The following DLG2 variants were observed in gnomAD, a reference collection of about 807,000 sequenced individuals.
DLG2 encodes the protein disks large homolog 2.
DLG2 carries 45 observed loss-of-function variants against 132.5 expected under a neutral mutation model. The observed-to-expected ratio is 0.34, with a 90% CI of 0.27 to 0.44. The LOEUF (loss-of-function observed/expected upper bound fraction) is 0.44. Ranked by LOEUF, DLG2 falls within the 20% of genes least tolerant of loss-of-function variation. The pLI is 1.00. For missense variants in DLG2, 1,045 were observed against 1,196.9 expected, an observed-to-expected ratio of 0.87 and a Z score of 1.87; for synonymous variants, 424 against 419.6, an observed-to-expected ratio of 1.01 and a Z score of -0.13.
At chr11:85,412,760 C>CACACATATATATATATAT (rs756868795) in intron 3 of DLG2, among the ~76,000 whole-genome samples, 1 of 113,244 alleles carries the variant, frequency 8.8e-6, no homozygotes, top group Admixed American at 9.2e-5. Context: ...CACACACACA[C>CACACATATATATATATAT]ATATATATAT....
intron 4 of DLG2, among the ~76,000 whole-genome samples, chr11:85,219,654 G>A (rs970113293): frequency 4.7e-5 from 7 of 150,174 alleles, no homozygotes; most frequent in Non-Finnish European, 7.4e-5. Flanking sequence ...TTCTCCCTGT[G>A]TATCTATATC....
At chr11:84,057,566 T>C (rs1407467993) in intron 11 of DLG2, among the ~76,000 whole-genome samples, 1 of 152,190 alleles carries the variant, frequency 6.6e-6, no homozygotes, top group Non-Finnish European at 1.5e-5. Flanking sequence ...TTTAGTTCTA[T>C]GATTTTAACA....
chr11:83,882,192 T>G (rs749657403), intron 15 of DLG2, among the ~76,000 whole-genome samples: 4 of 152,156 alleles, frequency 2.6e-5, no homozygotes, highest in Non-Finnish European at 5.9e-5. Context: ...AAGAACAATT[T>G]AGACATTGGA....
At chr11:84,136,097 A>G (rs553460398) in intron 9 of DLG2, among the ~76,000 whole-genome samples, 1 of 152,246 alleles carries the variant, frequency 6.6e-6, no homozygotes, top group South Asian at 2.1e-4. Context: ...AGGAGAAAGA[A>G]TGTTCTAGAT....
At chr11:85,515,246 T>C (rs1017262108) in intron 3 of DLG2, among the ~76,000 whole-genome samples, 6 of 151,958 alleles carry the variant, frequency 3.9e-5, no homozygotes, top group Non-Finnish European at 1.5e-5. Context: ...CAAAACTATA[T>C]CTTGTTTATA....
intron 3 of DLG2, among the ~76,000 whole-genome samples, chr11:85,451,098 A>G (rs186885620): frequency 8.7e-4 from 133 of 152,312 alleles, no homozygotes; most frequent in African/African-American, 3.1e-3. Context: ...CTGCCTGTAC[A>G]TCGCATAGGG....
At chr11:85,268,613 A>AC (rs2077354411) in intron 4 of DLG2, among the ~76,000 whole-genome samples, 1 of 152,212 alleles carries the variant, frequency 6.6e-6, no homozygotes, top group Admixed American at 6.5e-5. Flanking sequence ...CACATGGGTA[A>AC]AGCTCTAGGA....
chr11:85,428,799 G>A (rs2090961968), intron 3 of DLG2, among the ~76,000 whole-genome samples: 1 of 152,130 alleles, frequency 6.6e-6, no homozygotes, highest in African/African-American at 2.4e-5. Flanking sequence ...GAAGGAGATA[G>A]AGACACAAAA....
chr11:84,857,508 T>C lies in DLG2; in HGVS notation c.357+254153A>G, dbSNP rs150517388. ...CTATGGAAAAGAGAAGGAATTCTTA[T>C]TTCATTTTTAAGTATGTAATATACA... On this transcript the variant is annotated intron_variant, in intron 6 of 27. Transcript: ENST00000376104. Among the ~76,000 whole-genome samples, 1,198 of 152,204 alleles carry C rather than the reference T, an allele frequency of 7.9e-3. 7 individuals carry two copies. The highest frequency in any genetic ancestry group is 0.013 in the Non-Finnish European group (900 of 68,008).
At chr11:85,122,668 C>T (rs528050056) in intron 5 of DLG2, among the ~76,000 whole-genome samples, 24 of 151,906 alleles carry the variant, frequency 1.6e-4, no homozygotes, top group Non-Finnish European at 2.1e-4. Context: ...TCAGTAGTTT[C>T]ACACGGGGAC....
intron 7 of DLG2, among the ~76,000 whole-genome samples, chr11:84,254,288 G>A (rs188662142): frequency 2.3e-4 from 35 of 151,876 alleles, no homozygotes; most frequent in Admixed American, 1.6e-3. Context: ...TTATACATAC[G>A]CCTATTTCCT....
At chr11:83,850,143 TGTGTGTGTGTGTGTG>T in intron 16 of DLG2, among the ~76,000 whole-genome samples, 1 of 131,518 alleles carries the variant, frequency 7.6e-6, no homozygotes, top group South Asian at 2.4e-4. Flanking sequence ...TGTGTGTGTG[TGTGTGTGTGTGTGTG>T]TGTTTTTTTA....
chr11:84,188,827 A>G (rs1394935311), intron 8 of DLG2, among the ~76,000 whole-genome samples: 1 of 152,130 alleles, frequency 6.6e-6, no homozygotes, highest in Non-Finnish European at 1.5e-5. Flanking sequence ...TTTAAAAAAA[A>G]AGGGAGGACA....
intron 7 of DLG2, among the ~76,000 whole-genome samples, chr11:84,277,825 C>G (rs1198249832): frequency 6.6e-6 from 1 of 152,102 alleles, no homozygotes; most frequent in African/African-American, 2.4e-5. Flanking sequence ...AACAAATTAT[C>G]AAAATCAAGA....
chr11:84,165,290 C>A (rs2095636222), intron 8 of DLG2, among the ~76,000 whole-genome samples: 1 of 152,248 alleles, frequency 6.6e-6, no homozygotes, highest in South Asian at 2.1e-4. Flanking sequence ...CAAAGAAATT[C>A]TTTTAGGAAG....
intron 6 of DLG2, among the ~76,000 whole-genome samples, chr11:84,726,120 TTTA>T (rs753303008): frequency 2.0e-5 from 3 of 152,008 alleles, no homozygotes; most frequent in South Asian, 2.1e-4. Context: ...CTGTAATTTA[TTTA>T]TTATTATTAT....
chr11:85,147,345 G>T (rs931911580), intron 5 of DLG2, among the ~76,000 whole-genome samples: 1 of 152,172 alleles, frequency 6.6e-6, no homozygotes, highest in Admixed American at 6.6e-5. Flanking sequence ...TAATGAGCGT[G>T]AAGTGGTTTC....
At chr11:84,305,478 A>G (rs2098205773) in intron 7 of DLG2, among the ~76,000 whole-genome samples, 1 of 152,196 alleles carries the variant, frequency 6.6e-6, no homozygotes, top group African/African-American at 2.4e-5. Context: ...TAATTTAACA[A>G]GGAAAATTGC....
chr11:83,761,019 T>C (rs1306401468), intron 18 of DLG2, among the ~76,000 whole-genome samples: 2 of 152,326 alleles, frequency 1.3e-5, no homozygotes, highest in East Asian at 1.9e-4. Flanking sequence ...TTCAGATTTA[T>C]GCTGTATAGA....
Sources: gnomAD v4.1 joint callset for allele counts (sites outside exome capture counted in the v4.1 genomes callset) on GRCh38, gnomAD v4.1.1 for gene constraint, MANE v1.5 for transcripts, NCBI Gene and HGNC (gene_info 2026-07-23, HGNC 2026-07-21) for gene names.